Variants in SCN9A observed in about 807,000 individuals in gnomAD.
The protein encoded by SCN9A is sodium channel protein type 9 subunit alpha.
Under a neutral mutation model 187.0 loss-of-function variants are expected in SCN9A, and 131 were observed. The ratio of observed to expected loss-of-function variants is 0.70; its 90% CI spans 0.61 to 0.81. The LOEUF is 0.81. SCN9A is among the 30% of genes least tolerant of loss of function. The pLI is 0.00. For synonymous variants in SCN9A, 809 were observed against 808.6 expected (o/e 1.00, Z -0.01); for missense variants, 2,252 against 2,396.6 (o/e 0.94, Z 1.26).
intron 26 of SCN9A, among the ~76,000 whole-genome samples, chr2:166,202,220 A>G (rs1693573226): frequency 1.3e-5 from 2 of 150,122 alleles, no homozygotes; most frequent in African/African-American, 2.4e-5. Context: ...TTGGCTTTAC[A>G]AATTTGTGTT....
intron 17 of SCN9A, among the ~76,000 whole-genome samples, chr2:166,270,285 G>A (rs1302914580): frequency 6.6e-6 from 1 of 151,824 alleles, no homozygotes; most frequent in Non-Finnish European, 1.5e-5. Context: ...TTGTGTCAGT[G>A]ATTTACTTTT....
rs555121632 is a variant in SCN9A, at chr2:166,208,375, T to A, written c.4399-3911A>T. 7.4e-4 allele frequency among the ~76,000 whole-genome samples: 113 copies of A among 152,328 alleles called. 1 individual carries two copies. The highest frequency in any genetic ancestry group is 2.5e-3 in the African/African-American group (102 of 41,578). On this transcript the variant is annotated intron_variant, in intron 24 of 26. Coordinates refer to ENST00000642356, the MANE Select transcript of SCN9A (RefSeq NM_001365536.1). ...TTGCTGAGAAGATAAATTGAGGTAATGCATGAAGAATACTTAGCATAATAT... is the reference window on the plus strand; with the variant it reads ...TTGCTGAGAAGATAAATTGAGGTAAAGCATGAAGAATACTTAGCATAATAT...
At chr2:166,366,313 T>C (rs1007755983) in intron 1 of SCN9A, among the ~76,000 whole-genome samples, 1 of 152,246 alleles carries the variant, frequency 6.6e-6, no homozygotes, top group African/African-American at 2.4e-5. Context: ...TTAGCATGTC[T>C]CTTCTAGGTC....
At chr2:166,345,492 C>T (rs1053626154) in intron 1 of SCN9A, among the ~76,000 whole-genome samples, 2 of 151,582 alleles carry the variant, frequency 1.3e-5, no homozygotes, top group South Asian at 2.1e-4. Flanking sequence ...ACTTTCACCA[C>T]GTTGAGGTCA....
At chr2:166,306,926 C>A (rs1698777963) in intron 3 of SCN9A, 30 bp downstream of exon 3, 1 of 1,251,712 alleles carries the variant, frequency 8.0e-7, no homozygotes, top group South Asian at 1.3e-5. Context: ...CATAAAGTGC[C>A]ACTGGATGTA....
rs2105227146 is a variant in SCN9A at position 166,311,690 on chromosome 2, T to G, written c.67A>C (p.Ile23Leu). ...VHFTKQSLAL[I>L]EQRIAERKSK... ...TTTCTTTCAGCAATGCGTTGTTCAA[T>G]GAGGGCAAGAGACTGTTTTGTGAAA... The change falls in exon 2 of 27, where the codon ATT becomes CTT. Residue 23 changes from isoleucine to leucine, a missense_variant. Physicochemically the swap from Ile to Leu is conservative, Grantham distance 5 (BLOSUM62 2). Transcript: ENST00000642356. 1.2e-6 allele frequency: 2 copies of G among 1,613,464 alleles called. No individual in the cohort carries two copies. The highest frequency in any genetic ancestry group is 1.7e-6 in the Non-Finnish European group (2 of 1,179,634).
chr2:166,322,404 G>T (rs1170112373), intron 1 of SCN9A, among the ~76,000 whole-genome samples: 1 of 152,028 alleles, frequency 6.6e-6, no homozygotes, highest in Non-Finnish European at 1.5e-5. Context: ...ATTACAATTT[G>T]TGCTCCACAT....
chr2:166,234,750 A>AT (rs956618727), intron 20 of SCN9A, among the ~76,000 whole-genome samples: 5 of 150,582 alleles, frequency 3.3e-5, no homozygotes, highest in South Asian at 4.2e-4. Context: ...TAATCAGAAA[A>AT]TTTTTTTTTT....
chr2:166,372,998 A>T (rs1471988445), intron 1 of SCN9A, among the ~76,000 whole-genome samples: 2 of 152,216 alleles, frequency 1.3e-5, no homozygotes, highest in Admixed American at 1.3e-4. Flanking sequence ...ACTTTTAACA[A>T]GATGATCAAA....
chr2:166,347,698 T>C (rs1699934541), intron 1 of SCN9A, among the ~76,000 whole-genome samples: 1 of 152,196 alleles, frequency 6.6e-6, no homozygotes. Context: ...ATTAAGACTT[T>C]ATATGAAGTA....
chr2:166,362,447 AT>A (rs1211360128), intron 1 of SCN9A, among the ~76,000 whole-genome samples: 1 of 151,914 alleles, frequency 6.6e-6, no homozygotes, highest in Admixed American at 6.6e-5. Context: ...GGGTATGGCT[AT>A]TTTTTTAAGG....
intron 17 of SCN9A, among the ~76,000 whole-genome samples, chr2:166,267,726 C>G (rs1396868355): frequency 6.6e-6 from 1 of 151,892 alleles, no homozygotes; most frequent in Non-Finnish European, 1.5e-5. Context: ...ATTACTGATT[C>G]AATCTTGTTA....
At chr2:166,296,994 G>A (rs889884899) in intron 7 of SCN9A, among the ~76,000 whole-genome samples, 3 of 151,450 alleles carry the variant, frequency 2.0e-5, no homozygotes, top group South Asian at 2.1e-4. Flanking sequence ...TCAGGAGATC[G>A]AGACCATCCT....
intron 1 of SCN9A, among the ~76,000 whole-genome samples, chr2:166,335,260 C>G (rs1320039488): frequency 6.6e-6 from 1 of 152,042 alleles, no homozygotes; most frequent in Non-Finnish European, 1.5e-5. Flanking sequence ...AAACTCATAA[C>G]TAAACATAAA....
In SCN9A at chr2:166,292,240, T is replaced by C. The variant is rs186903239; in HGVS notation, c.1107+991A>G. Among the ~76,000 whole-genome samples, 469 of 152,180 alleles carry C rather than the reference T, an allele frequency of 3.1e-3. 3 individuals carry two copies. The highest frequency in any genetic ancestry group is 0.01 in the African/African-American group (436 of 41,572). On this transcript the variant is annotated intron_variant, in intron 9 of 26. Coordinates refer to ENST00000642356, the MANE Select transcript of SCN9A (RefSeq NM_001365536.1). ...AAATTTATAAGATAATTAACATTTC[T>C]ATTAATAATTGTATAATGTAATATA...
At chr2:166,200,811 T>G (rs1693474080) in intron 26 of SCN9A, among the ~76,000 whole-genome samples, 1 of 152,076 alleles carries the variant, frequency 6.6e-6, no homozygotes, top group Non-Finnish European at 1.5e-5. Flanking sequence ...AATTTTTGTG[T>G]TTTTGGTAGG....
intron 2 of SCN9A, among the ~76,000 whole-genome samples, chr2:166,308,194 A>C (rs1158897893): frequency 1.3e-5 from 2 of 152,182 alleles, no homozygotes; most frequent in Non-Finnish European, 2.9e-5. Flanking sequence ...CCTAGTCCTC[A>C]AGTACAATCC....
At chr2:166,202,657 C>A (rs1364727009) in intron 26 of SCN9A, among the ~76,000 whole-genome samples, 1 of 151,628 alleles carries the variant, frequency 6.6e-6, no homozygotes, top group African/African-American at 2.4e-5. Context: ...ATTATTTTAG[C>A]TTTCTTTTAT....
intron 21 of SCN9A, among the ~76,000 whole-genome samples, chr2:166,231,451 T>C (rs1695079502): frequency 6.6e-6 from 1 of 152,014 alleles, no homozygotes; most frequent in African/African-American, 2.4e-5. Flanking sequence ...GGCTGAAAGA[T>C]CTCTAATGTT....
Sources: gnomAD v4.1 joint callset for allele counts (sites outside exome capture counted in the v4.1 genomes callset) on GRCh38, gnomAD v4.1.1 for gene constraint, MANE v1.5 for transcripts, NCBI Gene and HGNC (gene_info 2026-07-23, HGNC 2026-07-21) for gene names.